CHST7: variants seen among roughly 807,000 people sequenced by gnomAD.
CHST7 encodes N-acetylglucosamine 6-O-sulfotransferase 4.
In CHST7, 5 loss-of-function variants were observed where a neutral mutation model predicts 9.0. The ratio of observed to expected loss-of-function variants is 0.56; its 90% CI spans 0.29 to 1.17. CHST7 has a LOEUF of 1.17. Ranked by LOEUF, CHST7 falls within the 50% of genes most tolerant of loss-of-function variation. The probability of loss-of-function intolerance (pLI) is 0.08; values close to 1 mark genes in which losing one functional copy is unlikely to be tolerated. For missense variants in CHST7, 377 were observed against 485.1 expected (o/e 0.78, Z 2.09); for synonymous variants, 244 against 237.1 (o/e 1.03, Z -0.27).
intron 1 of CHST7, among the ~76,000 whole-genome samples, chrX:46,577,801 A>C (rs186659320): frequency 3.6e-5 from 4 of 111,403 alleles, no homozygotes; most frequent in Non-Finnish European, 7.5e-5. Context: ...TGGAAAACAC[A>C]CTCAGCTTTA....
In CHST7 at chrX:46,574,144, G is replaced by A. The variant is rs369680575; in HGVS notation, c.213G>A (p.Ala71=). 1.3e-4 allele frequency: 149 copies of A among 1,164,600 alleles called. 1 individual carries two copies. The African/African-American group carries it at 2.4e-3, about 19-fold the overall frequency. Reference sequence around the variant, plus strand: ...GCGAACGCGAGCAGGGAGCGGAGGCGCGGGCCGCCGAGGAAGGGGGCGCGA... The same window carrying A: ...GCGAACGCGAGCAGGGAGCGGAGGCACGGGCCGCCGAGGAAGGGGGCGCGA... ...AAGEREQGAE[A]RAAEEGGANQ... The change falls in exon 1 of 2, where the codon GCG becomes GCA. Residue 71 remains alanine (A), a synonymous_variant. Transcript: ENST00000276055.
Position 46,575,007 on chromosome X carries a change from C to A in CHST7, c.1076C>A (p.Ala359Glu). 1 of 1,130,291 alleles carries A rather than the reference C, an allele frequency of 8.8e-7. No individual in the cohort carries two copies. The highest frequency in any genetic ancestry group is 1.2e-6 in the Non-Finnish European group (1 of 865,954). The allele number at this position is 1,130,291 out of a possible 1,213,427, so 93.1% of individuals were successfully genotyped here. A position where few individuals can be genotyped will look rare whatever the true frequency, so the allele number is the denominator to read the frequency against. ...GCCTGGCTGCGCGATCTGCTTTTCGCGCGCGGCGCGCCCGCCTGGCTGCGG... is the reference window on the plus strand; with the variant it reads ...GCCTGGCTGCGCGATCTGCTTTTCGAGCGCGGCGCGCCCGCCTGGCTGCGG... ...CEAWLRDLLF[A>E]RGAPAWLRRR... Residue 359 changes from alanine (A) to glutamate (E), a missense_variant, in exon 1 of 2, where the codon GCG becomes GAG. This residue lies in a region of CHST7 where 130 missense variants were observed against 134.9 expected (regional missense o/e 0.96). Coordinates refer to ENST00000276055, the MANE Select transcript of CHST7 (RefSeq NM_019886.4).
At chrX:46,582,465 A>G (rs1351754197) in intron 1 of CHST7, among the ~76,000 whole-genome samples, 1 of 111,652 alleles carries the variant, frequency 9.0e-6, no homozygotes, top group Non-Finnish European at 1.9e-5. Context: ...ATGAATGGAA[A>G]ATTCTTGCTG....
At chrX:46,582,097 C>T (rs921124138) in intron 1 of CHST7, among the ~76,000 whole-genome samples, 1 of 111,457 alleles carries the variant, frequency 9.0e-6, no homozygotes, top group Non-Finnish European at 1.9e-5. Context: ...TGAAAATCTT[C>T]CCGTTTCATC....
chrX:46,595,011 A>G (rs1041544942), intron 1 of CHST7, among the ~76,000 whole-genome samples: 2 of 111,942 alleles, frequency 1.8e-5, no homozygotes, highest in Non-Finnish European at 3.8e-5. Flanking sequence ...TCCTTACTCT[A>G]TCATCTCTAT....
rs904597845 is a variant in CHST7 at position 46,574,742 on chromosome X, C to T, written c.811C>T (p.Leu271=). ...VPLLRDPGLN[L]KVVQLFRDPR... ...CCTGTTGCGTGATCCAGGCCTCAACCTGAAGGTGGTGCAGCTTTTCCGCGA... is the reference window on the plus strand; with the variant it reads ...CCTGTTGCGTGATCCAGGCCTCAACTTGAAGGTGGTGCAGCTTTTCCGCGA... The change falls in exon 1 of 2, where the codon CTG becomes TTG. Residue 271 remains leucine (L), a synonymous_variant. Transcript: ENST00000276055. The T allele has an allele frequency of 3.3e-6, 4 of 1,208,206 alleles. No individual in the cohort carries two copies. Among genetic ancestry groups the T allele is most frequent in the Admixed American group, 2.2e-5 (1 of 45,752 alleles).
chrX:46,581,324 G>A (rs1369778950), intron 1 of CHST7, among the ~76,000 whole-genome samples: 8 of 106,756 alleles, frequency 7.5e-5, no homozygotes, highest in African/African-American at 1.4e-4. Flanking sequence ...TTGGTAGGCC[G>A]AGGCAGGTGG....
At chrX:46,579,776 G>A (rs1056515832) in intron 1 of CHST7, among the ~76,000 whole-genome samples, 1 of 111,341 alleles carries the variant, frequency 9.0e-6, no homozygotes, top group African/African-American at 3.3e-5. Flanking sequence ...CTTGAGGTCA[G>A]GAGTTCAAGA....
At chrX:46,597,477 TCTC>T (rs1398283221) in intron 1 of CHST7, among the ~76,000 whole-genome samples, 2 of 111,681 alleles carry the variant, frequency 1.8e-5, no homozygotes, top group Non-Finnish European at 3.8e-5. Flanking sequence ...AAAGCCCTGT[TCTC>T]CTCAGCAGGC....
chrX:46,584,894 C>T (rs887112718), intron 1 of CHST7, among the ~76,000 whole-genome samples: 1 of 111,405 alleles, frequency 9.0e-6, no homozygotes. Flanking sequence ...TCATTACATC[C>T]AGACAGATAA....
chrX:46,587,782 T>C (rs1378512926), intron 1 of CHST7, among the ~76,000 whole-genome samples: 2 of 112,321 alleles, frequency 1.8e-5, no homozygotes, highest in East Asian at 5.5e-4. Context: ...AGTTGCTAAT[T>C]TGAAGTGAAA....
intron 1 of CHST7, among the ~76,000 whole-genome samples, chrX:46,583,261 A>G (rs1420642728): frequency 1.8e-5 from 2 of 112,186 alleles, no homozygotes; most frequent in East Asian, 5.6e-4. Flanking sequence ...AACTTGCTCT[A>G]TTGAAAAGGA....
intron 1 of CHST7, 95 bp downstream of exon 1, chrX:46,575,518 GCTGGATCCCATT>G (rs1376032748): frequency 1.4e-6 from 1 of 727,125 alleles, no homozygotes; most frequent in Non-Finnish European, 1.8e-6. Flanking sequence ...AGGGTACCAT[GCTGGATCCCATT>G]CTATCAGATC....
At position 46,574,512 on chromosome X, in the gene CHST7, G is replaced by T. The variant is rs1295138898; in HGVS notation, c.581G>T (p.Arg194Leu). Residue 194 changes from arginine to leucine, a missense_variant, in exon 1 of 2, where the codon CGC becomes CTC. Arg to Leu is a moderately radical substitution (Grantham distance 102). This residue lies in a region of CHST7 where 239 missense variants were observed against 325.7 expected (regional missense o/e 0.73). Transcript: ENST00000276055. Reference protein sequence around the residue: ...TANLTTAALFRWRTNKVICSP... With the variant: ...TANLTTAALFLWRTNKVICSP... ...AATCTTACCACGGCCGCCCTCTTCC[G>T]CTGGCGGACTAACAAGGTCATCTGC... 2 of 1,207,049 alleles carry T rather than the reference G, an allele frequency of 1.7e-6. No homozygotes were observed. The highest frequency in any genetic ancestry group is 2.2e-5 in the Admixed American group (1 of 45,796).
At chrX:46,592,271 G>A (rs1420609100) in intron 1 of CHST7, among the ~76,000 whole-genome samples, 2 of 111,322 alleles carry the variant, frequency 1.8e-5, no homozygotes, top group East Asian at 6.2e-4. Context: ...GAAAACCCCT[G>A]TTTCATTGCT....
Position 46,575,023 on chromosome X carries a change from C to G in CHST7, c.1092C>G (p.Ala364=). The G allele has an allele frequency of 8.8e-7, 1 of 1,130,345 alleles. No individual in the cohort carries two copies. The highest frequency in any genetic ancestry group is 1.2e-6 in the Non-Finnish European group (1 of 867,239). The allele number at this position is 1,130,345 out of a possible 1,213,427, so 93.2% of individuals were successfully genotyped here. A position where few individuals can be genotyped will look rare whatever the true frequency, so the allele number is the denominator to read the frequency against. ...RDLLFARGAP[A]WLRRRYLRLR... ...TGCTTTTCGCGCGCGGCGCGCCCGC[C>G]TGGCTGCGGCGCCGCTACCTGAGGC... The change falls in exon 1 of 2, where the codon GCC becomes GCG. Residue 364 remains alanine (A), a synonymous_variant. Transcript: ENST00000276055.
rs1021796123 is a variant in CHST7, at chrX:46,575,436, G to A, written c.*31+13G>A. 2 of 1,010,482 alleles carry A rather than the reference G, an allele frequency of 2.0e-6. No individual in the cohort carries two copies. Among genetic ancestry groups the A allele is most frequent in the African/African-American group, 2.0e-5 (1 of 50,337 alleles). 83.3% of individuals were successfully genotyped at this position (1,010,482 alleles called of 1,213,427 possible). A position where few individuals can be genotyped will look rare whatever the true frequency, so the allele number is the denominator to read the frequency against. On this transcript the variant is annotated intron_variant, in intron 1 of 1. Coordinates refer to ENST00000276055, the MANE Select transcript of CHST7 (RefSeq NM_019886.4). ...GGCACGGATCCGGGTAAGGTGGCCCGGGGCAAGGCAGGGACCGGGACTGGT... is the reference window on the plus strand; with the variant it reads ...GGCACGGATCCGGGTAAGGTGGCCCAGGGCAAGGCAGGGACCGGGACTGGT...
intron 1 of CHST7, among the ~76,000 whole-genome samples, chrX:46,596,702 T>C (rs1479473333): frequency 7.2e-5 from 8 of 111,570 alleles, no homozygotes; most frequent in Admixed American, 4.8e-4. Context: ...TCCTAGCACT[T>C]TGGGAGGCCA....
chrX:46,587,746 C>G (rs777902508), intron 1 of CHST7, among the ~76,000 whole-genome samples: 14 of 112,471 alleles, frequency 1.2e-4, no homozygotes, highest in Non-Finnish European at 2.4e-4. Flanking sequence ...AACATTGTCA[C>G]TCATTTCCGT....
Sources: allele counts gnomAD v4.1 joint callset (sites outside exome capture counted in the v4.1 genomes callset), GRCh38; gene constraint gnomAD v4.1.1; regional missense constraint gnomAD v4.1.1; transcripts MANE v1.5; gene names NCBI Gene and HGNC (gene_info 2026-07-23, HGNC 2026-07-21).